SYNE1: variants seen among roughly 807,000 people sequenced by gnomAD.
The protein encoded by SYNE1 is spectrin repeat containing nuclear envelope protein 1.
A neutral mutation model predicts 1,111.0 loss-of-function variants in SYNE1; 616 were observed. That is an observed-to-expected ratio of 0.55 (90% CI 0.52 to 0.59). SYNE1 has a LOEUF of 0.59. Among genes scored for constraint, SYNE1 ranks in the 20% least tolerant of loss-of-function variants. The probability of loss-of-function intolerance (pLI) is 0.00; values close to 1 mark genes in which losing one functional copy is unlikely to be tolerated. For synonymous variants in SYNE1, 3,855 were observed against 3,825.8 expected (o/e 1.01, Z -0.28); for missense variants, 10,006 against 10,417.0 (o/e 0.96, Z 1.72).
intron 104 of SYNE1, among the ~76,000 whole-genome samples, chr6:152,254,461 G>A (rs1388632424): frequency 1.3e-5 from 2 of 151,924 alleles, no homozygotes; most frequent in Admixed American, 1.3e-4. Flanking sequence ...TGTTGGCCAA[G>A]CTGGTCTCAA....
At chr6:152,381,454 C>T in intron 55 of SYNE1, 92 bp from the exon 56 acceptor site, 1 of 1,338,562 alleles carries the variant, frequency 7.5e-7, no homozygotes. Context: ...CCCTGTCCTG[C>T]CAGGAAGTTT....
rs180864132 is a variant in SYNE1, at chr6:152,149,402, T to C, written c.24642+75A>G. On this transcript the variant is annotated intron_variant, in intron 136 of 145. Transcript: ENST00000367255. ...CTCCAGAGTCTGAGCTCTCACCCAC[T>C]ATCAATACAACCCAATCCCACACGA... The C allele has an allele frequency of 3.1e-5, 48 of 1,573,404 alleles. No homozygotes were observed. In the Admixed American group the frequency reaches 6.0e-4, roughly 20 times the overall value.
chr6:152,512,723 T>C (rs1004022111), intron 6 of SYNE1, among the ~76,000 whole-genome samples: 2 of 152,190 alleles, frequency 1.3e-5, no homozygotes, highest in Non-Finnish European at 2.9e-5. Context: ...AAAAATGTTT[T>C]TCATGATTAT....
intron 4 of SYNE1, among the ~76,000 whole-genome samples, chr6:152,534,747 G>A (rs908823697): frequency 1.8e-4 from 28 of 152,044 alleles, no homozygotes; most frequent in African/African-American, 6.5e-4. Context: ...AATTCTATTC[G>A]GAACATGTTT....
chr6:152,369,262 A>G, intron 60 of SYNE1, 135 bp from the exon 61 acceptor site: 1 of 1,356,920 alleles, frequency 7.4e-7, no homozygotes, highest in Non-Finnish European at 1.0e-6. Context: ...TCTCCAATCT[A>G]CACACCGTGG....
At chr6:152,183,585 AGT>A (rs1227450388) in intron 128 of SYNE1, among the ~76,000 whole-genome samples, 2 of 151,930 alleles carry the variant, frequency 1.3e-5, no homozygotes, top group Non-Finnish European at 2.9e-5. Flanking sequence ...TGGGCAACAG[AGT>A]GAGAAGAAAA....
At chr6:152,164,765 T>A (rs1056156249) in intron 130 of SYNE1, among the ~76,000 whole-genome samples, 1 of 152,216 alleles carries the variant, frequency 6.6e-6, no homozygotes, top group Non-Finnish European at 1.5e-5. Flanking sequence ...TGATCAATGA[T>A]CTATTAGTGC....
Position 152,456,061 on chromosome 6 carries a change from C to G in SYNE1, c.2569-17G>C, listed in dbSNP as rs1239721405. 6.2e-7 allele frequency: 1 copy of G among 1,609,916 alleles called. No homozygotes were observed. Among genetic ancestry groups the G allele is most frequent in the Non-Finnish European group, 8.5e-7 (1 of 1,179,398 alleles). ...TAACAGTTCCTATAACGAAATGAAA[C>G]CCCACAACAATGTTATTTACAAGAC... On this transcript the variant is annotated splice_polypyrimidine_tract_variant and intron_variant, in intron 22 of 145. Transcript: ENST00000367255.
chr6:152,225,786 C>G lies in SYNE1; in HGVS notation c.21286G>C (p.Val7096Leu). ...LALIQNKKED[V>L]SSIVMSTLRE... ...AGTGTGCTCATGACAATGCTAGAGA[C>G]GTCTTCTTTCTTGTTCTGAATCAAA... The change falls in exon 116 of 146, where the codon GTC becomes CTC. Residue 7096 changes from valine to leucine, a missense_variant. By Grantham distance (32) the Val-to-Leu change is conservative. Coordinates refer to ENST00000367255, the MANE Select transcript of SYNE1 (RefSeq NM_182961.4). The G allele has an allele frequency of 6.2e-7, 1 of 1,614,062 alleles. No homozygotes were observed. The highest frequency in any genetic ancestry group is 1.1e-5 in the South Asian group (1 of 91,078).
intron 3 of SYNE1, among the ~76,000 whole-genome samples, chr6:152,598,319 C>G (rs143105027): frequency 6.6e-6 from 1 of 152,120 alleles, no homozygotes; most frequent in Non-Finnish European, 1.5e-5. Context: ...CCATGTGAGA[C>G]GTGTCTTCCA....
Position 152,354,834 on chromosome 6 carries a change from T to C in SYNE1, c.10751A>G (p.His3584Arg), listed in dbSNP as rs141205208. The C allele has an allele frequency of 6.2e-7, 1 of 1,614,114 alleles. No homozygotes were observed. Among genetic ancestry groups the C allele is most frequent in the African/African-American group, 1.3e-5 (1 of 74,932 alleles). Reference sequence around the variant, plus strand: ...CTGAGTTCGAGTCTCGGACAGCCTGTGCTGGTAAGCCTGCCAGTCTTGCCG... The same window carrying C: ...CTGAGTTCGAGTCTCGGACAGCCTGCGCTGGTAAGCCTGCCAGTCTTGCCG... ...SLRQDWQAYQ[H>R]RLSETRTQFN... Residue 3584 changes from histidine (H) to arginine (R), a missense_variant, in exon 67 of 146, where the codon CAC becomes CGC. Transcript: ENST00000367255.
At position 152,136,565 on chromosome 6, in the gene SYNE1, C is replaced by G. The variant is rs547378842; in HGVS notation, c.25659+53G>C. 169 of 1,604,042 alleles carry G rather than the reference C, an allele frequency of 1.1e-4. No individual in the cohort carries two copies. The Admixed American group carries it at 1.5e-3, about 14-fold the overall frequency. On this transcript the variant is annotated intron_variant, in intron 141 of 145. Coordinates refer to ENST00000367255, the MANE Select transcript of SYNE1 (RefSeq NM_182961.4). The stretch of plus-strand genomic sequence containing the variant: ...ATGATACATCAAGTCACACACTCAG[C>G]TAAATTGCTAATGTCTCTCTCTGAG...
chr6:152,412,906 C>T (rs1268719952), intron 42 of SYNE1, among the ~76,000 whole-genome samples: 6 of 147,270 alleles, frequency 4.1e-5, no homozygotes, highest in Non-Finnish European at 8.9e-5. Flanking sequence ...GCCTGGAATG[C>T]TGTGGCGCAA....
intron 5 of SYNE1, among the ~76,000 whole-genome samples, chr6:152,523,821 G>T (rs1451088384): frequency 6.6e-6 from 1 of 152,054 alleles, no homozygotes; most frequent in Non-Finnish European, 1.5e-5. Flanking sequence ...AAAAGGAATT[G>T]AATTACTGAT....
chr6:152,181,315 G>A (rs1011752154), intron 128 of SYNE1, among the ~76,000 whole-genome samples: 3 of 152,118 alleles, frequency 2.0e-5, no homozygotes, highest in South Asian at 2.1e-4. Context: ...GGGAAGTTGA[G>A]GCAGGAGAGT....
At chr6:152,243,390 T>C (rs989946268) in intron 106 of SYNE1, among the ~76,000 whole-genome samples, 1 of 152,168 alleles carries the variant, frequency 6.6e-6, no homozygotes, top group Non-Finnish European at 1.5e-5. Flanking sequence ...GTGGAGTATA[T>C]AACTATTTAA....
Position 152,334,331 on chromosome 6 carries a change from T to C in SYNE1, c.12529-58A>G, listed in dbSNP as rs892378367. 17 of 1,589,928 alleles carry C rather than the reference T, an allele frequency of 1.1e-5. No individual in the cohort carries two copies. The African/African-American group carries it at 2.1e-4, about 20-fold the overall frequency. On this transcript the variant is annotated intron_variant, in intron 76 of 145. Coordinates refer to ENST00000367255, the MANE Select transcript of SYNE1 (RefSeq NM_182961.4). Reference sequence around the variant, plus strand: ...GTGTTAAGAAATGCCCAAATAAATATAGAGAGCAACACAGACATAAGACCT... The same window carrying C: ...GTGTTAAGAAATGCCCAAATAAATACAGAGAGCAACACAGACATAAGACCT...
At chr6:152,304,709 AC>A (rs1461359977) in intron 91 of SYNE1, among the ~76,000 whole-genome samples, 1 of 152,176 alleles carries the variant, frequency 6.6e-6, no homozygotes, top group Non-Finnish European at 1.5e-5. Flanking sequence ...GCTCCCTGCT[AC>A]AGTATCCTGC....
chr6:152,388,404 C>T (rs372348520), intron 53 of SYNE1, among the ~76,000 whole-genome samples: 32 of 152,154 alleles, frequency 2.1e-4, no homozygotes, highest in Non-Finnish European at 3.2e-4. Flanking sequence ...TGTGCCACCA[C>T]GCCTGGCTAA....
Sources: allele counts gnomAD v4.1 joint callset (sites outside exome capture counted in the v4.1 genomes callset), GRCh38; gene constraint gnomAD v4.1.1; transcripts MANE v1.5; gene names NCBI Gene and HGNC (gene_info 2026-07-23, HGNC 2026-07-21).